The following PIK3AP1 variants were observed in gnomAD, a reference collection of about 807,000 sequenced individuals.
PIK3AP1 encodes the protein phosphoinositide 3-kinase adapter protein 1.
A neutral mutation model predicts 88.1 loss-of-function variants in PIK3AP1; 21 were observed. That is an observed-to-expected ratio of 0.24 (90% CI 0.17 to 0.34). PIK3AP1 has a LOEUF of 0.34. PIK3AP1 is among the 10% of genes least tolerant of loss of function. The pLI is 1.00. For synonymous variants in PIK3AP1, 398 were observed against 400.0 expected (o/e 1.00, Z 0.06); for missense variants, 828 against 1,035.7 (o/e 0.80, Z 2.75).
At chr10:96,616,836 C>T in intron 12 of PIK3AP1, 125 bp from the exon 13 acceptor site, 1 of 883,568 alleles carries the variant, frequency 1.1e-6, no homozygotes, top group Non-Finnish European at 1.9e-6. Flanking sequence ...TTACAACATG[C>T]AAATGAGGCT....
Position 96,652,943 on chromosome 10 carries a change from T to C in PIK3AP1, c.568-101A>G, listed in dbSNP as rs576963670. On this transcript the variant is annotated intron_variant, in intron 3 of 16. Transcript: ENST00000339364. ...GCTCTCTTGCCCTAGCTCTACCTAG[T>C]GAGAATCTCTGGGGACAGGGTGGAC... The C allele has an allele frequency of 3.7e-6, 5 of 1,344,190 alleles. No individual in the cohort carries two copies. The East Asian group carries it at 1.2e-4, about 31-fold the overall frequency. The allele number at this position is 1,344,190 out of a possible 1,614,324, so 83.3% of individuals were successfully genotyped here.
At chr10:96,664,924 C>A (rs1843741290) in intron 2 of PIK3AP1, among the ~76,000 whole-genome samples, 1 of 143,090 alleles carries the variant, frequency 7.0e-6, no homozygotes, top group Non-Finnish European at 1.6e-5. Context: ...GAAATGCCCA[C>A]TCAGACATAA....
At chr10:96,638,896 C>CTCA (rs1564965192) in intron 8 of PIK3AP1, among the ~76,000 whole-genome samples, 1 of 152,190 alleles carries the variant, frequency 6.6e-6, no homozygotes, top group Non-Finnish European at 1.5e-5. Context: ...TGTTTACTGA[C>CTCA]TCATCATCAC....
chr10:96,680,523 T>C (rs1843985264), intron 2 of PIK3AP1, among the ~76,000 whole-genome samples: 1 of 152,144 alleles, frequency 6.6e-6, no homozygotes, highest in South Asian at 2.1e-4. Context: ...TGTGTTCTCA[T>C]CATTTAGTTC....
chr10:96,704,948 T>A (rs1323329379), intron 2 of PIK3AP1, among the ~76,000 whole-genome samples: 1 of 152,188 alleles, frequency 6.6e-6, no homozygotes, highest in Non-Finnish European at 1.5e-5. Flanking sequence ...CTCCACTCTC[T>A]TTGATCTTTA....
chr10:96,644,128 C>G (rs1409006138), intron 8 of PIK3AP1, among the ~76,000 whole-genome samples: 1 of 152,132 alleles, frequency 6.6e-6, no homozygotes, highest in Non-Finnish European at 1.5e-5. Flanking sequence ...GCACTGCCCC[C>G]TGGGGGCGTT....
chr10:96,678,985 A>G (rs185379855), intron 2 of PIK3AP1, among the ~76,000 whole-genome samples: 1 of 152,308 alleles, frequency 6.6e-6, no homozygotes, highest in Admixed American at 6.5e-5. Flanking sequence ...TCAACTAATA[A>G]AAGCTTCATC....
chr10:96,629,188 G>T (rs1235930108), intron 8 of PIK3AP1, among the ~76,000 whole-genome samples: 1 of 151,950 alleles, frequency 6.6e-6, no homozygotes, highest in African/African-American at 2.4e-5. Context: ...GAGTGAAAAA[G>T]TTACAGACAG....
chr10:96,633,028 C>G lies in PIK3AP1; in HGVS notation c.1376-4535G>C, dbSNP rs750998931. On this transcript the variant is annotated intron_variant, in intron 8 of 16. Coordinates refer to ENST00000339364, the MANE Select transcript of PIK3AP1 (RefSeq NM_152309.3). The stretch of plus-strand genomic sequence containing the variant: ...CAACTCAGATGCAAAGAGACAAGAT[C>G]CATAGCAGGCCACGCTGGTGAAAAA... 1.9e-6 allele frequency: 3 copies of G among 1,611,394 alleles called. No homozygotes were observed. The East Asian group carries it at 6.7e-5, about 36-fold the overall frequency.
At chr10:96,639,252 A>G (rs1843353765) in intron 8 of PIK3AP1, among the ~76,000 whole-genome samples, 2 of 152,144 alleles carry the variant, frequency 1.3e-5, no homozygotes, top group South Asian at 4.1e-4. Context: ...TTCCACCCAC[A>G]AAGTCGAGAA....
chr10:96,678,276 A>G (rs190164514), intron 2 of PIK3AP1, among the ~76,000 whole-genome samples: 32 of 152,268 alleles, frequency 2.1e-4, no homozygotes, highest in African/African-American at 7.5e-4. Flanking sequence ...TCTACTAAAA[A>G]TACAAAAAAT....
intron 2 of PIK3AP1, among the ~76,000 whole-genome samples, chr10:96,681,429 G>A (rs1247414510): frequency 1.3e-5 from 2 of 152,146 alleles, no homozygotes; most frequent in Middle Eastern, 3.2e-3. Context: ...AACTGGCCAC[G>A]AAACCTAAAC....
chr10:96,698,454 G>T (rs536073273), intron 2 of PIK3AP1, among the ~76,000 whole-genome samples: 4 of 151,688 alleles, frequency 2.6e-5, no homozygotes, highest in Admixed American at 6.6e-5. Context: ...AGTTTGAGAC[G>T]AGCCTGGCTA....
chr10:96,615,245 G>T (rs1408766920), intron 13 of PIK3AP1, among the ~76,000 whole-genome samples: 4 of 152,302 alleles, frequency 2.6e-5, no homozygotes, highest in Non-Finnish European at 5.9e-5. Flanking sequence ...AGATCACAAA[G>T]GGCCTTGTAG....
Position 96,651,571 on chromosome 10 carries a change from C to T in PIK3AP1, c.793G>A (p.Asp265Asn). ...AATAAATTCCCAATTTCTTCCATGT[C>T]AGTATAATAGCTGATAACGGTTTCA... ...VCETVISYYTDMEEIGNLLSN... is the reference protein window; with the variant it reads ...VCETVISYYTNMEEIGNLLSN... Residue 265 changes from aspartate to asparagine, a missense_variant, in exon 5 of 17, where the codon GAC becomes AAC. Physicochemically the swap from Asp to Asn is conservative, Grantham distance 23. Around this residue, in one of 3 missense-constraint regions of PIK3AP1, gnomAD observed 610 missense variants for 760.1 expected, o/e 0.80. Coordinates refer to ENST00000339364, the MANE Select transcript of PIK3AP1 (RefSeq NM_152309.3). The T allele has an allele frequency of 6.2e-7, 1 of 1,614,152 alleles. No individual in the cohort carries two copies. Among genetic ancestry groups the T allele is most frequent in the Non-Finnish European group, 8.5e-7 (1 of 1,180,010 alleles).
intron 2 of PIK3AP1, among the ~76,000 whole-genome samples, chr10:96,672,861 C>G (rs1843866282): frequency 6.6e-6 from 1 of 152,344 alleles, no homozygotes; most frequent in East Asian, 1.9e-4. Flanking sequence ...CTGGAGTTGT[C>G]TCAGCGCCCA....
At chr10:96,598,242 G>T (rs1036576321) in intron 16 of PIK3AP1, among the ~76,000 whole-genome samples, 1 of 151,720 alleles carries the variant, frequency 6.6e-6, no homozygotes, top group Non-Finnish European at 1.5e-5. Context: ...GTAGAGATGG[G>T]ATTTTGCCAA....
In PIK3AP1 at chr10:96,690,468, T is replaced by G. The variant is rs571159041; in HGVS notation, c.430+19099A>C. On this transcript the variant is annotated intron_variant, in intron 2 of 16. Transcript: ENST00000339364. ...TTGTAGTGATGGGATCTGACTATGT[T>G]TCCCTGGCTAGTCTTAGACTCCTGG... 3.3e-5 allele frequency among the ~76,000 whole-genome samples: 5 copies of G among 152,244 alleles called. No homozygotes were observed. In the South Asian group the frequency reaches 1.0e-3, roughly 32 times the overall value.
At position 96,593,922 on chromosome 10, in the gene PIK3AP1, A is replaced by G. The variant is rs766175135; in HGVS notation, c.*1655T>C. ...TGAAATTGAGAAAGAACCTTTAATC[A>G]TTAGAAAAGGACCCAATAAAACTAT... On this transcript the variant is annotated 3_prime_UTR_variant, in exon 17 of 17. Transcript: ENST00000339364. The G allele has an allele frequency of 6.6e-5, 10 of 152,254 alleles. No homozygotes were observed. Among genetic ancestry groups the G allele is most frequent in the Non-Finnish European group, 1.2e-4 (8 of 68,042 alleles). 9.4% of individuals were successfully genotyped at this position (152,254 alleles called of 1,614,324 possible).
Sources: allele counts gnomAD v4.1 joint callset (sites outside exome capture counted in the v4.1 genomes callset), GRCh38; gene constraint gnomAD v4.1.1; regional missense constraint gnomAD v4.1.1; transcripts MANE v1.5; gene names NCBI Gene and HGNC (gene_info 2026-07-23, HGNC 2026-07-21).